The following ERVW-1 variants were observed in gnomAD, a reference collection of about 807,000 sequenced individuals.
ERVW-1 encodes the protein syncytin-1.
ERVW-1 carries 21 observed loss-of-function variants against 16.6 expected under a neutral mutation model. The ratio of observed to expected loss-of-function variants is 1.26; its 90% CI spans 0.90 to 1.82. The LOEUF is 1.82. Ranked by LOEUF, ERVW-1 falls within the 40% of genes most tolerant of loss-of-function variation. ERVW-1 has a pLI of 0.00. For synonymous variants in ERVW-1, 161 were observed against 109.8 expected (o/e 1.47, Z -2.92); for missense variants, 412 against 300.2 (o/e 1.37, Z -2.75).
intron 1 of ERVW-1, among the ~76,000 whole-genome samples, chr7:92,475,743 T>G (rs1049481235): frequency 6.6e-6 from 1 of 152,210 alleles, no homozygotes; most frequent in Non-Finnish European, 1.5e-5. Context: ...AACATTGCCT[T>G]TGCGCTCAGG....
rs376336995 is a variant in ERVW-1 at position 92,469,253 on chromosome 7, C to A, written c.1129G>T (p.Ala377Ser). The change falls in exon 2 of 2, where the codon GCA becomes TCA. Residue 377 changes from alanine to serine, a missense_variant. Coordinates refer to ENST00000603053, the MANE Select transcript of ERVW-1 (RefSeq NM_001130925.2). ...GCTCTTCGATTTTGAAGGACTACTG[C>A]TGCTAGGGAGTTAAGTTGATCTTGC... ...TLQDQLNSLA[A>S]VVLQNRRALD... 0.013 allele frequency: 7,452 copies of A among 553,310 alleles called. No individual in the cohort carries two copies. Among genetic ancestry groups the A allele is most frequent in the African/African-American group, 0.065 (2,176 of 33,540 alleles). The allele number at this position is 553,310 out of a possible 1,614,324, so 34.3% of individuals were successfully genotyped here. A position where few individuals can be genotyped will look rare whatever the true frequency, so the allele number is the denominator to read the frequency against.
chr7:92,474,198 A>T (rs1267129963), intron 1 of ERVW-1, among the ~76,000 whole-genome samples: 1 of 151,968 alleles, frequency 6.6e-6, no homozygotes, highest in African/African-American at 2.4e-5. Context: ...GATCTCTATT[A>T]TAAAAAACCG....
In ERVW-1 at chr7:92,468,789, G is replaced by T; in HGVS notation, c.1593C>A (p.Arg531=). The T allele has an allele frequency of 1.3e-6, 1 of 754,924 alleles. No homozygotes were observed. Among genetic ancestry groups the T allele is most frequent in the Non-Finnish European group, 2.4e-6 (1 of 413,036 alleles). The allele number at this position is 754,924 out of a possible 1,614,324, so 46.8% of individuals were successfully genotyped here. A position where few individuals can be genotyped will look rare whatever the true frequency, so the allele number is the denominator to read the frequency against. The part of the protein sequence containing the change: ...EEISAAQPLL[R]PNSAGSS Reference sequence around the variant, plus strand: ...TCTAACTGCTTCCTGCTGAATTGGGGCGTAGTAGAGGTTGTGCAGCTGAGA... The same window carrying T: ...TCTAACTGCTTCCTGCTGAATTGGGTCGTAGTAGAGGTTGTGCAGCTGAGA... Residue 531 remains arginine, a synonymous_variant, in exon 2 of 2, where the codon CGC becomes CGA. Coordinates refer to ENST00000603053, the MANE Select transcript of ERVW-1 (RefSeq NM_001130925.2).
chr7:92,476,926 AT>A (rs1386122945), intron 1 of ERVW-1, among the ~76,000 whole-genome samples: 1 of 152,172 alleles, frequency 6.6e-6, no homozygotes, highest in Non-Finnish European at 1.5e-5. Flanking sequence ...GTCTGAACCA[AT>A]AGTACCTAGG....
At chr7:92,473,540 G>A (rs573293272) in intron 1 of ERVW-1, among the ~76,000 whole-genome samples, 12 of 152,158 alleles carry the variant, frequency 7.9e-5, no homozygotes, top group South Asian at 6.2e-4. Flanking sequence ...GACAACAAAC[G>A]GGTGTTCCTT....
chr7:92,468,556 C>T lies in ERVW-1; in HGVS notation c.*209G>A, dbSNP rs10265541. 0.15 allele frequency: 63,697 copies of T among 433,362 alleles called. 5,039 individuals carry two copies. The highest frequency in any genetic ancestry group is 0.17 in the African/African-American group (8,596 of 49,388). 26.8% of individuals were successfully genotyped at this position (433,362 alleles called of 1,614,324 possible). ...GATTGGCTATTTCTTTACCTCCTGTCTTTGCCTAATTAGCATTTTAGTGAG... is the reference window on the plus strand; with the variant it reads ...GATTGGCTATTTCTTTACCTCCTGTTTTTGCCTAATTAGCATTTTAGTGAG... On this transcript the variant is annotated 3_prime_UTR_variant, in exon 2 of 2. Coordinates refer to ENST00000603053, the MANE Select transcript of ERVW-1 (RefSeq NM_001130925.2).
In ERVW-1 at chr7:92,468,414, G is replaced by A. The variant is rs937827565; in HGVS notation, c.*351C>T. 5.4e-6 allele frequency: 1 copy of A among 185,872 alleles called. No individual in the cohort carries two copies. The highest frequency in any genetic ancestry group is 1.1e-5 in the Non-Finnish European group (1 of 90,134). The allele number at this position is 185,872 out of a possible 1,614,324, so 11.5% of individuals were successfully genotyped here. ...AAGATTTAATAGAGTGAAATAGCAT[G>A]AAAACAGAGCTCCCATACAAAGGGA... On this transcript the variant is annotated 3_prime_UTR_variant, in exon 2 of 2. Coordinates refer to ENST00000603053, the MANE Select transcript of ERVW-1 (RefSeq NM_001130925.2).
chr7:92,475,031 C>T (rs1289595248), intron 1 of ERVW-1: 1 of 152,078 alleles, frequency 6.6e-6, no homozygotes, highest in East Asian at 1.9e-4. Flanking sequence ...ACTCTGAAGG[C>T]TTCCTGTAGG....
chr7:92,469,489 G>T lies in ERVW-1; in HGVS notation c.893C>A (p.Thr298Asn). ...GTATAAATCTTGTTCAGTGTAGATG[G>T]TCATAGGGGGCACTAAGAATGAGAG... Reference protein sequence around the residue: ...CFLSFLVPPMTIYTEQDLYSY... With the variant: ...CFLSFLVPPMNIYTEQDLYSY... Residue 298 changes from threonine to asparagine, a missense_variant, in exon 2 of 2, where the codon ACC (threonine) becomes AAC (asparagine). Physicochemically the swap from Thr to Asn is moderately conservative, Grantham distance 65. Transcript: ENST00000603053. 1.3e-6 allele frequency: 1 copy of T among 768,728 alleles called. No individual in the cohort carries two copies. Among genetic ancestry groups the T allele is most frequent in the Non-Finnish European group, 2.4e-6 (1 of 414,888 alleles). The allele number at this position is 768,728 out of a possible 1,614,324, so 47.6% of individuals were successfully genotyped here. A position where few individuals can be genotyped will look rare whatever the true frequency, so the allele number is the denominator to read the frequency against.
chr7:92,474,929 C>CCCTTTTGTCTATCT (rs1331103477), intron 1 of ERVW-1: 5 of 152,060 alleles, frequency 3.3e-5, no homozygotes, highest in Non-Finnish European at 7.4e-5. Flanking sequence ...TCACTGTTTA[C>CCCTTTTGTCTATCT]CCTTTTGTCT....
At chr7:92,476,389 T>C (rs1208633591) in intron 1 of ERVW-1, among the ~76,000 whole-genome samples, 1 of 152,300 alleles carries the variant, frequency 6.6e-6, no homozygotes, top group Middle Eastern at 3.4e-3. Context: ...GGGTTAAGGA[T>C]TTTTGATAGG....
intron 1 of ERVW-1, chr7:92,471,390 C>G (rs1351734344): frequency 6.6e-6 from 1 of 152,626 alleles, no homozygotes; most frequent in Admixed American, 6.5e-5. Flanking sequence ...AATGATTTGG[C>G]CATCTGATGG....
chr7:92,468,768 A>G lies in ERVW-1; in HGVS notation c.1614T>C (p.Ser538=). ...GGGAGGTTGGCCGACGACCGCTCTA[A>G]CTGCTTCCTGCTGAATTGGGGCGTA... ...PLLRPNSAGS[S] The change falls in exon 2 of 2, where the codon AGT becomes AGC. Residue 538 remains serine (S), a synonymous_variant. Coordinates refer to ENST00000603053, the MANE Select transcript of ERVW-1 (RefSeq NM_001130925.2). 1 of 731,910 alleles carries G rather than the reference A, an allele frequency of 1.4e-6. No individual in the cohort carries two copies. Among genetic ancestry groups the G allele is most frequent in the Non-Finnish European group, 2.5e-6 (1 of 402,042 alleles). 45.3% of individuals were successfully genotyped at this position (731,910 alleles called of 1,614,324 possible).
rs1554362719 is a variant in ERVW-1, at chr7:92,470,302, C to CAGCG, written c.76_79dup (p.Cys27SerfsTer6). 1.3e-6 allele frequency: 1 copy of CAGCG among 777,600 alleles called. No individual in the cohort carries two copies. The highest frequency in any genetic ancestry group is 1.3e-5 in the South Asian group (1 of 74,248). The allele number at this position is 777,600 out of a possible 1,614,324, so 48.2% of individuals were successfully genotyped here. A position where few individuals can be genotyped will look rare whatever the true frequency, so the allele number is the denominator to read the frequency against. On this transcript the variant is annotated frameshift_variant, in exon 2 of 2. Coordinates refer to ENST00000603053, the MANE Select transcript of ERVW-1 (RefSeq NM_001130925.2). LOFTEE classifies it high-confidence loss of function. Reference sequence around the variant, plus strand: ...TTGGTAAGGGGAGCTACTGGTCATACAGCGGCATGGAGGGGGTGCAGTGAG... The same window carrying CAGCG: ...TTGGTAAGGGGAGCTACTGGTCATACAGCGAGCGGCATGGAGGGGGTGCAGTGAG...
chr7:92,477,340 A>G (rs1286685118), intron 1 of ERVW-1, 42 bp downstream of exon 1: 1 of 152,296 alleles, frequency 6.6e-6, no homozygotes, highest in Admixed American at 6.5e-5. Flanking sequence ...CTAAGGAAGG[A>G]TAGGACAGAA....
At chr7:92,470,682 T>C (rs1790312397) in intron 1 of ERVW-1, 74 bp from the exon 2 acceptor site, 1 of 257,372 alleles carries the variant, frequency 3.9e-6, no homozygotes, top group Admixed American at 5.2e-5. Context: ...CTTTTCCCTC[T>C]TCTCAGGGAT....
intron 1 of ERVW-1, among the ~76,000 whole-genome samples, chr7:92,475,489 CTT>C (rs1187336645): frequency 1.3e-5 from 2 of 152,190 alleles, no homozygotes; most frequent in Non-Finnish European, 2.9e-5. Context: ...TCCTGCCTCT[CTT>C]GACCACAAAG....
rs1292549693 is a variant in ERVW-1, at chr7:92,468,759, A to G, written c.*6T>C. ...GTGCTGTTGGGGAGGTTGGCCGACGACCGCTCTAACTGCTTCCTGCTGAAT... is the reference window on the plus strand; with the variant it reads ...GTGCTGTTGGGGAGGTTGGCCGACGGCCGCTCTAACTGCTTCCTGCTGAAT... On this transcript the variant is annotated 3_prime_UTR_variant, in exon 2 of 2. Transcript: ENST00000603053. 1 of 713,840 alleles carries G rather than the reference A, an allele frequency of 1.4e-6. No individual in the cohort carries two copies. The highest frequency in any genetic ancestry group is 2.5e-6 in the Non-Finnish European group (1 of 393,540). The allele number at this position is 713,840 out of a possible 1,614,324, so 44.2% of individuals were successfully genotyped here.
intron 1 of ERVW-1, among the ~76,000 whole-genome samples, chr7:92,475,884 T>C (rs1194287835): frequency 6.6e-6 from 1 of 152,160 alleles, no homozygotes; most frequent in Non-Finnish European, 1.5e-5. Flanking sequence ...TGAATCAGGA[T>C]TGAGATAGTC....
Sources: gnomAD v4.1 joint callset for allele counts (sites outside exome capture counted in the v4.1 genomes callset) on GRCh38, gnomAD v4.1.1 for gene constraint, MANE v1.5 for transcripts, NCBI Gene and HGNC (gene_info 2026-07-23, HGNC 2026-07-21) for gene names.